The following ETV6 variants were observed in gnomAD, a reference collection of about 807,000 sequenced individuals.
The protein encoded by ETV6 is ETS variant transcription factor 6.
ETV6 carries 16 observed loss-of-function variants against 51.1 expected under a neutral mutation model. The observed-to-expected ratio is 0.31, with a 90% CI of 0.21 to 0.48. The LOEUF (loss-of-function observed/expected upper bound fraction) is 0.48, where lower values mean the gene tolerates loss of function less well. ETV6 is among the 20% of genes least tolerant of loss of function. The pLI is 0.99. For missense variants in ETV6, 458 were observed against 594.8 expected (o/e 0.77, Z 2.39); for synonymous variants, 240 against 224.1 (o/e 1.07, Z -0.64).
intron 2 of ETV6, among the ~76,000 whole-genome samples, chr12:11,755,457 TG>T (rs1456673685): frequency 2.0e-5 from 3 of 152,198 alleles, no homozygotes; most frequent in African/African-American, 7.2e-5. Context: ...TTGAATCCTC[TG>T]GAAGTGGAGG....
chr12:11,761,378 A>G (rs534736034), intron 2 of ETV6, among the ~76,000 whole-genome samples: 1 of 152,358 alleles, frequency 6.6e-6, no homozygotes, highest in East Asian at 1.9e-4. Flanking sequence ...AGTCTCAGGT[A>G]TGTGTGTAAA....
At chr12:11,717,645 T>G (rs1245017200) in intron 1 of ETV6, among the ~76,000 whole-genome samples, 1 of 152,204 alleles carries the variant, frequency 6.6e-6, no homozygotes, top group Non-Finnish European at 1.5e-5. Context: ...TACTGAAGCA[T>G]TCAAAGAAGC....
intron 2 of ETV6, among the ~76,000 whole-genome samples, chr12:11,819,132 C>A (rs1826022765): frequency 6.6e-6 from 1 of 152,200 alleles, no homozygotes; most frequent in African/African-American, 2.4e-5. Context: ...TCTGGTTCCT[C>A]ACAGCCAAGT....
intron 2 of ETV6, among the ~76,000 whole-genome samples, chr12:11,773,864 G>A (rs1945277971): frequency 6.6e-6 from 1 of 152,220 alleles, no homozygotes; most frequent in South Asian, 2.1e-4. Context: ...AAATGCCATT[G>A]TGGAGGCATC....
chr12:11,841,046 T>C (rs1018463361), intron 3 of ETV6, among the ~76,000 whole-genome samples: 1 of 152,198 alleles, frequency 6.6e-6, no homozygotes, highest in Non-Finnish European at 1.5e-5. Context: ...GGTTTTGACT[T>C]GATTTGACTT....
intron 1 of ETV6, among the ~76,000 whole-genome samples, chr12:11,743,428 C>G (rs1413198152): frequency 6.6e-6 from 1 of 152,070 alleles, no homozygotes; most frequent in African/African-American, 2.4e-5. Context: ...TGACTGTGGT[C>G]CTGGTTGTAA....
chr12:11,735,065 G>A (rs1205582697), intron 1 of ETV6, among the ~76,000 whole-genome samples: 1 of 147,144 alleles, frequency 6.8e-6, no homozygotes, highest in African/African-American at 2.5e-5. Flanking sequence ...TGTCCCAAAG[G>A]TGCAAAGGTG....
intron 1 of ETV6, among the ~76,000 whole-genome samples, chr12:11,743,543 A>C (rs1005930915): frequency 6.6e-6 from 1 of 152,120 alleles, no homozygotes; most frequent in Non-Finnish European, 1.5e-5. Flanking sequence ...AGCCTGGGCC[A>C]GCAGTGGGGT....
intron 2 of ETV6, among the ~76,000 whole-genome samples, chr12:11,800,612 A>G (rs1375905100): frequency 3.9e-5 from 6 of 152,108 alleles, no homozygotes; most frequent in African/African-American, 1.4e-4. Flanking sequence ...TCCACATGTA[A>G]GCGAGATCGT....
intron 2 of ETV6, among the ~76,000 whole-genome samples, chr12:11,797,865 T>A (rs1361817511): frequency 1.3e-5 from 2 of 152,230 alleles, no homozygotes; most frequent in African/African-American, 4.8e-5. Flanking sequence ...TTGTGTGATT[T>A]GAAGGAAAAG....
chr12:11,801,629 C>T (rs554781632), intron 2 of ETV6, among the ~76,000 whole-genome samples: 13 of 152,226 alleles, frequency 8.5e-5, no homozygotes, highest in African/African-American at 2.6e-4. Context: ...TGATACCTTA[C>T]GGTTTACCAG....
chr12:11,772,903 G>A (rs1565520374), intron 2 of ETV6, among the ~76,000 whole-genome samples: 1 of 152,220 alleles, frequency 6.6e-6, no homozygotes, highest in East Asian at 1.9e-4. Flanking sequence ...ATTGAAGTAT[G>A]AAAAATCTTG....
At chr12:11,750,404 G>C (rs1865998913) in intron 1 of ETV6, among the ~76,000 whole-genome samples, 1 of 152,192 alleles carries the variant, frequency 6.6e-6, no homozygotes, top group Non-Finnish European at 1.5e-5. Flanking sequence ...GGGCAGGCGG[G>C]GATGAGGCGG....
chr12:11,686,046 A>G (rs143175372), intron 1 of ETV6, among the ~76,000 whole-genome samples: 183 of 152,352 alleles, frequency 1.2e-3, no homozygotes, highest in African/African-American at 4.4e-3. Context: ...CCATTGTGTT[A>G]TAAGACAGCT....
At chr12:11,825,828 C>T (rs1346799892) in intron 2 of ETV6, 3 of 148,158 alleles carry the variant, frequency 2.0e-5, no homozygotes, top group Non-Finnish European at 4.5e-5. Context: ...CAGTAGAAAG[C>T]ATGCCTTTTT....
chr12:11,796,488 C>T (rs2136395317), intron 2 of ETV6, among the ~76,000 whole-genome samples: 1 of 152,298 alleles, frequency 6.6e-6, no homozygotes, highest in Middle Eastern at 3.4e-3. Context: ...CTCAGACCTT[C>T]TGACTCTCAA....
chr12:11,865,280 A>G (rs948295681), intron 4 of ETV6, among the ~76,000 whole-genome samples: 1 of 151,758 alleles, frequency 6.6e-6, no homozygotes, highest in Non-Finnish European at 1.5e-5. Flanking sequence ...TAGTGTCAAC[A>G]TAGGTCTCAA....
In ETV6 at chr12:11,885,906, T is replaced by C. The variant is rs770647062; in HGVS notation, c.1153-20T>C. 6.3e-7 allele frequency: 1 copy of C among 1,583,002 alleles called. No homozygotes were observed. The highest frequency in any genetic ancestry group is 1.7e-5 in the Admixed American group (1 of 59,204). Reference sequence around the variant, plus strand: ...TGTGTCTTTGTGCTTTTTTTCTCCCTTCCTCCTTTGAACAAACAGAACAGA... The same window carrying C: ...TGTGTCTTTGTGCTTTTTTTCTCCCCTCCTCCTTTGAACAAACAGAACAGA... On this transcript the variant is annotated intron_variant, in intron 6 of 7. Transcript: ENST00000396373.
Position 11,802,857 on chromosome 12 carries a change from T to G in ETV6, c.164-36283T>G, listed in dbSNP as rs60867648. On this transcript the variant is annotated intron_variant, in intron 2 of 7. Transcript: ENST00000396373. ...CTGGCCCAGCTCTTAGTTTGAAAGT[T>G]TGGTCTCCTAATTAGCCTGAATTTT... Among the ~76,000 whole-genome samples, 1,430 of 152,324 alleles carry G rather than the reference T, an allele frequency of 9.4e-3. 25 individuals are homozygous for G. The highest frequency in any genetic ancestry group is 0.033 in the African/African-American group (1,353 of 41,548).
Sources: gnomAD v4.1 joint callset for allele counts (sites outside exome capture counted in the v4.1 genomes callset) on GRCh38, gnomAD v4.1.1 for gene constraint, MANE v1.5 for transcripts, NCBI Gene and HGNC (gene_info 2026-07-23, HGNC 2026-07-21) for gene names.